The following COLEC12 variants were observed in gnomAD, a reference collection of about 807,000 sequenced individuals.
COLEC12 encodes collectin subfamily member 12, also known as collectin-12.
A neutral mutation model predicts 71.1 loss-of-function variants in COLEC12; 33 were observed. The observed-to-expected ratio is 0.46, with a 90% confidence interval of 0.35 to 0.62. The LOEUF (loss-of-function observed/expected upper bound fraction) is 0.62, where lower values mean the gene tolerates loss of function less well. Ranked by LOEUF, COLEC12 falls within the 20% of genes least tolerant of loss-of-function variation. The probability of loss-of-function intolerance (pLI) is 0.00; values close to 1 mark genes in which losing one functional copy is unlikely to be tolerated. For synonymous variants in COLEC12, 350 were observed against 353.0 expected, an observed-to-expected ratio of 0.99 and a Z score of 0.10; for missense variants, 765 against 916.1, an observed-to-expected ratio of 0.84 and a Z score of 2.13.
intron 3 of COLEC12, among the ~76,000 whole-genome samples, chr18:348,687 CTGTTA>C (rs940627757): frequency 6.6e-6 from 1 of 152,196 alleles, no homozygotes; most frequent in Non-Finnish European, 1.5e-5. Flanking sequence ...CTGCCACTTT[CTGTTA>C]TGAGTTCCAC....
intron 2 of COLEC12, among the ~76,000 whole-genome samples, chr18:370,339 G>A (rs1914973273): frequency 1.3e-5 from 2 of 152,064 alleles, no homozygotes; most frequent in African/African-American, 2.4e-5. Context: ...CCAAAGAAAC[G>A]AATTTTATTT....
chr18:337,050 T>G (rs887763379), intron 5 of COLEC12, among the ~76,000 whole-genome samples: 6 of 151,880 alleles, frequency 4.0e-5, no homozygotes, highest in Non-Finnish European at 7.4e-5. Context: ...TTAATGTTTT[T>G]GTAGAGATAG....
Position 408,450 on chromosome 18 carries a change from A to G in COLEC12, c.59-50928T>C, listed in dbSNP as rs72861852. ...TGCATCTCCTTTAGTGGTCTTTTCA[A>G]TCATGATAACAAAAACTCCTGTGGT... is the stretch of plus-strand genomic sequence containing the variant. On this transcript the variant is annotated intron_variant, in intron 2 of 9. Transcript: ENST00000400256. The surrounding 1 kb of genome is among the most constrained non-coding windows in gnomAD (Gnocchi z 4.3). Among the ~76,000 whole-genome samples, 7,933 of 152,260 alleles carry G rather than the reference A, an allele frequency of 0.052. 370 individuals are homozygous for G. The highest frequency in any genetic ancestry group is 0.12 in the African/African-American group (5,171 of 41,516).
intron 3 of COLEC12, among the ~76,000 whole-genome samples, chr18:356,196 A>AG (rs1914625944): frequency 1.3e-5 from 2 of 152,316 alleles, no homozygotes; most frequent in African/African-American, 4.8e-5. Flanking sequence ...GACCAGCTAT[A>AG]GGAGAGATTC....
intron 2 of COLEC12, among the ~76,000 whole-genome samples, chr18:370,010 C>T (rs1054682778): frequency 8.5e-5 from 13 of 152,052 alleles, no homozygotes; most frequent in African/African-American, 3.1e-4. Flanking sequence ...AAAACCCGAC[C>T]TACAAGGCAG....
At chr18:436,550 G>A (rs1411116651) in intron 2 of COLEC12, among the ~76,000 whole-genome samples, 1 of 147,040 alleles carries the variant, frequency 6.8e-6, no homozygotes, top group African/African-American at 2.5e-5. Context: ...AAACAGGGGT[G>A]GCTTTCTGGA....
chr18:460,126 C>T (rs568845897), intron 2 of COLEC12, among the ~76,000 whole-genome samples: 1 of 152,138 alleles, frequency 6.6e-6, no homozygotes, highest in Non-Finnish European at 1.5e-5. Context: ...CACAGTAAAA[C>T]AGTAAGAACG....
At position 319,321 on chromosome 18, in the gene COLEC12, TAAAAAAAAAAAAAAA is replaced by T. The variant is rs56853175; in HGVS notation, c.*709_*723del. The T allele has an allele frequency of 2.7e-4, 23 of 84,068 alleles. No homozygotes were observed. The highest frequency in any genetic ancestry group is 1.0e-3 in the African/African-American group (22 of 21,826). The allele number at this position is 84,068 out of a possible 1,614,324, so 5.2% of individuals were successfully genotyped here. A position where few individuals can be genotyped will look rare whatever the true frequency, so the allele number is the denominator to read the frequency against. On this transcript the variant is annotated 3_prime_UTR_variant, in exon 10 of 10. Coordinates refer to ENST00000400256, the MANE Select transcript of COLEC12 (RefSeq NM_130386.3). ...TGGTTCCTCTGAGGAAATGAAACAT[TAAAAAAAAAAAAAAA>T]AAAAAATATATATATATATATATAT...
intron 2 of COLEC12, among the ~76,000 whole-genome samples, chr18:386,126 T>C (rs549757465): frequency 3.9e-5 from 6 of 152,168 alleles, no homozygotes; most frequent in African/African-American, 1.2e-4. Context: ...AGGCTTCAGT[T>C]TGACCCTTGA....
At chr18:341,923 C>A (rs1252082869) in intron 5 of COLEC12, among the ~76,000 whole-genome samples, 1 of 152,164 alleles carries the variant, frequency 6.6e-6, no homozygotes, top group Non-Finnish European at 1.5e-5. Context: ...GCAACTGATG[C>A]TTTCCTTAGC....
chr18:418,590 T>C (rs780594570), intron 2 of COLEC12, among the ~76,000 whole-genome samples: 4 of 152,182 alleles, frequency 2.6e-5, no homozygotes, highest in Non-Finnish European at 5.9e-5. Flanking sequence ...CATGAAGACC[T>C]TGCTGATAAA....
intron 2 of COLEC12, among the ~76,000 whole-genome samples, chr18:410,780 A>G (rs1254762261): frequency 6.6e-6 from 1 of 151,800 alleles, no homozygotes; most frequent in Admixed American, 6.6e-5. Flanking sequence ...AATGCCAAAG[A>G]GCACAGACAA....
chr18:347,368 T>C (rs764269409), intron 4 of COLEC12, 27 bp from the exon 5 acceptor site: 11 of 1,581,370 alleles, frequency 7.0e-6, no homozygotes, highest in South Asian at 6.8e-5. Flanking sequence ...CTGTGACTTA[T>C]ATTGGTGGTA....
chr18:334,731 C>CT lies in COLEC12; in HGVS notation c.1816+10dup. On this transcript the variant is annotated intron_variant, in intron 6 of 9. Transcript: ENST00000400256. ...CCTGTCCCCCTGGCTGGAGGGAGGGCTTGGACTTACCATTGTCCTCCGGTG... is the reference window on the plus strand; with the variant it reads ...CCTGTCCCCCTGGCTGGAGGGAGGGCTTTGGACTTACCATTGTCCTCCGGTG... 6.8e-7 allele frequency: 1 copy of CT among 1,464,082 alleles called. No homozygotes were observed. The highest frequency in any genetic ancestry group is 9.0e-7 in the Non-Finnish European group (1 of 1,112,380). 90.7% of individuals were successfully genotyped at this position (1,464,082 alleles called of 1,614,324 possible).
rs1375190707 is a variant in COLEC12 at position 480,665 on chromosome 18, A to AG, written c.58+41dup. 6.3e-7 allele frequency: 1 copy of AG among 1,579,230 alleles called. No homozygotes were observed. Among genetic ancestry groups the AG allele is most frequent in the East Asian group, 2.2e-5 (1 of 44,736 alleles). ...CTCTGAGGGTTCGTGGCTGCATCCC[A>AG]GGTTGACCACTGAGAAGGAACACAG... On this transcript the variant is annotated intron_variant, in intron 2 of 9. Coordinates refer to ENST00000400256, the MANE Select transcript of COLEC12 (RefSeq NM_130386.3). The surrounding 1 kb of genome is among the most constrained non-coding windows in gnomAD (Gnocchi z 4.1).
At chr18:345,769 C>A (rs1914357330) in intron 5 of COLEC12, among the ~76,000 whole-genome samples, 1 of 152,232 alleles carries the variant, frequency 6.6e-6, no homozygotes, top group Non-Finnish European at 1.5e-5. Flanking sequence ...CCTTTAAGTA[C>A]TGTCCACAGA....
chr18:489,096 C>G (rs886129423), intron 1 of COLEC12, among the ~76,000 whole-genome samples: 1 of 151,964 alleles, frequency 6.6e-6, no homozygotes, highest in African/African-American at 2.4e-5. Flanking sequence ...CATAAAATTT[C>G]AGAACACTGA....
chr18:488,913 G>A (rs1283943741), intron 1 of COLEC12, among the ~76,000 whole-genome samples: 2 of 151,954 alleles, frequency 1.3e-5, no homozygotes, highest in African/African-American at 2.4e-5. Context: ...CAATTTAGAG[G>A]GTCCAATGTT....
chr18:317,389 G>C lies in COLEC12; in HGVS notation c.*2656C>G, dbSNP rs73371804. The C allele has an allele frequency of 0.016, 2,395 of 152,234 alleles. 63 individuals carry two copies. The highest frequency in any genetic ancestry group is 0.055 in the African/African-American group (2,299 of 41,528). The allele number at this position is 152,234 out of a possible 1,614,324, so 9.4% of individuals were successfully genotyped here. On this transcript the variant is annotated 3_prime_UTR_variant, in exon 10 of 10. Transcript: ENST00000400256. Reference sequence around the variant, plus strand: ...AAATTAGAACATTTTCAAAGCTTGCGTCTGAATCCTGTCTCACTACTCAGT... The same window carrying C: ...AAATTAGAACATTTTCAAAGCTTGCCTCTGAATCCTGTCTCACTACTCAGT...
Sources: allele counts gnomAD v4.1 joint callset (sites outside exome capture counted in the v4.1 genomes callset), GRCh38; gene constraint gnomAD v4.1.1; non-coding constraint Gnocchi (gnomAD v3.1); transcripts MANE v1.5; gene names NCBI Gene and HGNC (gene_info 2026-07-23, HGNC 2026-07-21).